GLMN: variants seen among roughly 807,000 people sequenced by gnomAD.
The protein encoded by GLMN is glomulin.
A neutral mutation model predicts 87.8 loss-of-function variants in GLMN; 75 were observed. The observed-to-expected ratio is 0.85, with a 90% CI of 0.71 to 1.04. GLMN has a LOEUF of 1.04. Ranked by LOEUF, GLMN falls within the 50% of genes least tolerant of loss-of-function variation. The pLI is 0.00. For missense variants in GLMN, 588 were observed against 658.8 expected, an observed-to-expected ratio of 0.89 and a Z score of 1.18; for synonymous variants, 206 against 221.6, an observed-to-expected ratio of 0.93 and a Z score of 0.63.
intron 16 of GLMN, among the ~76,000 whole-genome samples, chr1:92,252,213 A>T (rs1026569028): frequency 2.0e-5 from 3 of 152,222 alleles, no homozygotes; most frequent in African/African-American, 7.2e-5. Context: ...GTTTTCTTTT[A>T]ATGTTTCAAA....
chr1:92,352,206 C>A, the GLMN span, among the ~76,000 whole-genome samples: 1 of 152,278 alleles, frequency 6.6e-6, no homozygotes. Flanking sequence ...AGAGACCATA[C>A]AATAGTTTAT....
chr1:92,251,990 G>T (rs1203008592), intron 16 of GLMN, among the ~76,000 whole-genome samples: 4 of 151,804 alleles, frequency 2.6e-5, no homozygotes, highest in Non-Finnish European at 5.9e-5. Flanking sequence ...TAGAGATGGG[G>T]TTTCGCCATG....
chr1:92,266,947 C>A (rs1655706961), intron 11 of GLMN, among the ~76,000 whole-genome samples: 1 of 152,116 alleles, frequency 6.6e-6, no homozygotes, highest in East Asian at 1.9e-4. Flanking sequence ...TAGAGTGTCA[C>A]ACAGTGTACT....
At chr1:92,270,750 T>G (rs1029739157) in intron 8 of GLMN, among the ~76,000 whole-genome samples, 1 of 152,138 alleles carries the variant, frequency 6.6e-6, no homozygotes, top group African/African-American at 2.4e-5. Context: ...AATAGAAGGA[T>G]TCAACCTAAA....
the GLMN span, chr1:92,333,242 C>A: frequency 1.6e-6 from 1 of 607,892 alleles, no homozygotes; most frequent in South Asian, 2.3e-5. Context: ...TGAGTTGATA[C>A]TCAAATTTAA....
the GLMN span, among the ~76,000 whole-genome samples, chr1:92,363,135 T>A: frequency 6.6e-6 from 1 of 152,188 alleles, no homozygotes; most frequent in Non-Finnish European, 1.5e-5. Context: ...AACCCCTGCA[T>A]CTCAAGTTAA....
chr1:92,298,713 G>A (rs1025757218), intron 1 of GLMN, among the ~76,000 whole-genome samples: 2 of 152,140 alleles, frequency 1.3e-5, no homozygotes, highest in African/African-American at 4.8e-5. Context: ...GAGTCAGCCC[G>A]GTCCTCAGGG....
intron 14 of GLMN, 96 bp downstream of exon 14, chr1:92,264,458 A>C: frequency 1.4e-6 from 1 of 691,780 alleles, no homozygotes; most frequent in Non-Finnish European, 2.6e-6. Context: ...TAGTAATACT[A>C]GAGATAGAGC....
At chr1:92,294,294 G>C (rs1444029499) in intron 3 of GLMN, among the ~76,000 whole-genome samples, 1 of 151,976 alleles carries the variant, frequency 6.6e-6, no homozygotes, top group Non-Finnish European at 1.5e-5. Flanking sequence ...AAGACAAAAT[G>C]ACACCTATAA....
At chr1:92,345,764 T>G in the GLMN span, 1 of 879,858 alleles carries the variant, frequency 1.1e-6, no homozygotes, top group Non-Finnish European at 1.8e-6. Flanking sequence ...GGCACATTAT[T>G]ATAAATCTGA....
chr1:92,336,392 T>A, the GLMN span: 1 of 1,610,780 alleles, frequency 6.2e-7, no homozygotes, highest in Admixed American at 1.7e-5. Flanking sequence ...TGGGAGATAT[T>A]TACACACAAC....
intron 8 of GLMN, 59 bp from the exon 9 acceptor site, chr1:92,269,835 C>A: frequency 9.2e-7 from 1 of 1,082,244 alleles, no homozygotes; most frequent in Non-Finnish European, 1.4e-6. Flanking sequence ...TATGTACACA[C>A]ATACATATTG....
chr1:92,281,030 T>A (rs552948819), intron 7 of GLMN, among the ~76,000 whole-genome samples: 2 of 152,298 alleles, frequency 1.3e-5, no homozygotes, highest in South Asian at 2.1e-4. Context: ...TGGAACAAAG[T>A]TAGAAAACAC....
intron 7 of GLMN, among the ~76,000 whole-genome samples, chr1:92,279,608 C>T (rs749901640): frequency 6.6e-6 from 1 of 152,090 alleles, no homozygotes; most frequent in East Asian, 1.9e-4. Context: ...ACTGGTTGGA[C>T]AGTGGGTGCA....
chr1:92,305,204 G>C, the GLMN span, among the ~76,000 whole-genome samples: 1 of 151,770 alleles, frequency 6.6e-6, no homozygotes, highest in Non-Finnish European at 1.5e-5. Flanking sequence ...AGGCCGAGGC[G>C]GGCAGATCAC....
chr1:92,335,008 AAATT>A, the GLMN span, among the ~76,000 whole-genome samples: 2 of 151,886 alleles, frequency 1.3e-5, no homozygotes, highest in African/African-American at 2.4e-5. Flanking sequence ...ATAAAAATAA[AAATT>A]AATCGGGTGT....
At chr1:92,247,583 A>G (rs1321672772) in intron 17 of GLMN, among the ~76,000 whole-genome samples, 1 of 152,198 alleles carries the variant, frequency 6.6e-6, no homozygotes, top group African/African-American at 2.4e-5. Flanking sequence ...AGTGAGATGG[A>G]GAGTGGACCC....
At chr1:92,334,297 T>C in the GLMN span, among the ~76,000 whole-genome samples, 1 of 152,220 alleles carries the variant, frequency 6.6e-6, no homozygotes, top group Non-Finnish European at 1.5e-5. Flanking sequence ...TGGGTTTTTT[T>C]CTCATTATCA....
At chr1:92,248,972 A>G (rs547268252) in intron 16 of GLMN, among the ~76,000 whole-genome samples, 2 of 152,230 alleles carry the variant, frequency 1.3e-5, no homozygotes, top group South Asian at 2.1e-4. Flanking sequence ...GATGTATGTT[A>G]TGATTCTACT....
Sources: gnomAD v4.1 joint callset for allele counts (sites outside exome capture counted in the v4.1 genomes callset) on GRCh38, gnomAD v4.1.1 for gene constraint, MANE v1.5 for transcripts, NCBI Gene and HGNC (gene_info 2026-07-23, HGNC 2026-07-21) for gene names.